The following CAMKMT variants were observed in gnomAD, a reference collection of about 807,000 sequenced individuals.
The protein encoded by CAMKMT is CaM KMT.
In CAMKMT, 53 loss-of-function variants were observed where a neutral mutation model predicts 48.0. The ratio of observed to expected loss-of-function variants is 1.10; its 90% CI spans 0.89 to 1.39. The LOEUF (loss-of-function observed/expected upper bound fraction) is 1.39, where lower values mean the gene tolerates loss of function less well. CAMKMT is among the 40% of genes most tolerant of loss of function. CAMKMT has a pLI of 0.00. For synonymous variants in CAMKMT, 165 were observed against 152.3 expected (o/e 1.08, Z -0.61); for missense variants, 428 against 402.7 (o/e 1.06, Z -0.54).
At chr2:44,396,091 ACTCC>A (rs1176091377) in intron 3 of CAMKMT, among the ~76,000 whole-genome samples, 1 of 151,960 alleles carries the variant, frequency 6.6e-6, no homozygotes, top group Non-Finnish European at 1.5e-5. Flanking sequence ...AATAAAGCTG[ACTCC>A]CTCCTATATA....
At chr2:44,601,370 T>A (rs1172279697) in intron 3 of CAMKMT, among the ~76,000 whole-genome samples, 1 of 152,028 alleles carries the variant, frequency 6.6e-6, no homozygotes, top group South Asian at 2.1e-4. Flanking sequence ...GCAGGAGAAT[T>A]GCTTGAACCC....
chr2:44,374,741 G>T (rs1187797592), intron 2 of CAMKMT, among the ~76,000 whole-genome samples: 1 of 152,094 alleles, frequency 6.6e-6, no homozygotes, highest in Non-Finnish European at 1.5e-5. Context: ...ATATATGAAA[G>T]AATAAATGTA....
At chr2:44,414,344 C>T (rs1683408300) in intron 3 of CAMKMT, among the ~76,000 whole-genome samples, 1 of 152,138 alleles carries the variant, frequency 6.6e-6, no homozygotes, top group Non-Finnish European at 1.5e-5. Context: ...CCCAGGGTGT[C>T]TTTATCAGGT....
intron 3 of CAMKMT, among the ~76,000 whole-genome samples, chr2:44,472,407 T>C (rs1668468474): frequency 6.6e-6 from 1 of 152,224 alleles, no homozygotes; most frequent in African/African-American, 2.4e-5. Context: ...CATACCATAG[T>C]AGTCAGCGAA....
At chr2:44,674,420 C>G (rs949282464) in intron 3 of CAMKMT, among the ~76,000 whole-genome samples, 3 of 152,194 alleles carry the variant, frequency 2.0e-5, no homozygotes, top group Admixed American at 1.3e-4. Context: ...AGAGCACAGT[C>G]TCTGGCACAT....
chr2:44,479,512 G>A (rs915615967), intron 3 of CAMKMT, among the ~76,000 whole-genome samples: 1 of 152,180 alleles, frequency 6.6e-6, no homozygotes, highest in Non-Finnish European at 1.5e-5. Context: ...AGGTAAATCT[G>A]TAGCAAAAGT....
intron 3 of CAMKMT, among the ~76,000 whole-genome samples, chr2:44,671,878 C>CACACAGAAGCAGACCCTAGG (rs1389844018): frequency 6.6e-6 from 1 of 152,192 alleles, no homozygotes; most frequent in African/African-American, 2.4e-5. Context: ...TCCCACCAAA[C>CACACAGAAGCAGACCCTAGG]ACACAGAAGC....
intron 3 of CAMKMT, among the ~76,000 whole-genome samples, chr2:44,647,886 C>T (rs13417544): frequency 1.8e-4 from 22 of 123,530 alleles, no homozygotes; most frequent in Non-Finnish European, 2.8e-4. Context: ...CCAGCCTGGG[C>T]GACAGAGTGA....
At chr2:44,733,268 A>G (rs1679177948) in intron 7 of CAMKMT, among the ~76,000 whole-genome samples, 1 of 152,186 alleles carries the variant, frequency 6.6e-6, no homozygotes, top group Non-Finnish European at 1.5e-5. Context: ...TTTTTATGCT[A>G]TTATAAACAG....
At chr2:44,471,246 C>T (rs1031313643) in intron 3 of CAMKMT, among the ~76,000 whole-genome samples, 18 of 152,250 alleles carry the variant, frequency 1.2e-4, no homozygotes, top group African/African-American at 4.3e-4. Context: ...CTGCCTTGGC[C>T]TCCCAAAGTG....
chr2:44,507,571 C>A (rs913923450), intron 3 of CAMKMT, among the ~76,000 whole-genome samples: 7 of 152,000 alleles, frequency 4.6e-5, no homozygotes, highest in African/African-American at 2.4e-5. Context: ...CAGTGATCTC[C>A]TCATCATTTT....
At chr2:44,394,936 A>T (rs1402512075) in intron 3 of CAMKMT, 1 of 455,096 alleles carries the variant, frequency 2.2e-6, no homozygotes, top group Non-Finnish European at 4.4e-6. Flanking sequence ...AGGCTGGATG[A>T]TTGCTTGAGC....
intron 3 of CAMKMT, among the ~76,000 whole-genome samples, chr2:44,397,880 C>T (rs1397054782): frequency 6.6e-6 from 1 of 152,160 alleles, no homozygotes; most frequent in Non-Finnish European, 1.5e-5. Context: ...ATGCCTTAAT[C>T]AGTGCAATAA....
intron 3 of CAMKMT, among the ~76,000 whole-genome samples, chr2:44,429,777 C>T (rs372266175): frequency 1.7e-5 from 2 of 121,208 alleles, no homozygotes; most frequent in African/African-American, 6.2e-5. Flanking sequence ...GTCCGCAGTC[C>T]GGCCTGGGCG....
chr2:44,408,842 A>G (rs1323063488), intron 3 of CAMKMT, among the ~76,000 whole-genome samples: 1 of 151,762 alleles, frequency 6.6e-6, no homozygotes, highest in African/African-American at 2.4e-5. Context: ...TCTGGGCCCA[A>G]GCAATTCTCC....
chr2:44,492,329 A>G (rs962526928), intron 3 of CAMKMT, among the ~76,000 whole-genome samples: 1 of 152,178 alleles, frequency 6.6e-6, no homozygotes, highest in Admixed American at 6.5e-5. Context: ...ATCAACTTCC[A>G]TAAATGTAAA....
intron 7 of CAMKMT, among the ~76,000 whole-genome samples, chr2:44,718,412 C>T (rs1009908167): frequency 7.9e-5 from 12 of 152,182 alleles, no homozygotes; most frequent in African/African-American, 2.7e-4. Flanking sequence ...TGTTGTCCAT[C>T]CATGCAGCCA....
At chr2:44,763,427 T>C (rs556172844) in intron 9 of CAMKMT, among the ~76,000 whole-genome samples, 2 of 152,362 alleles carry the variant, frequency 1.3e-5, no homozygotes, top group South Asian at 4.1e-4. Context: ...TTCTTTAGAT[T>C]ACTCAACTTC....
intron 1 of CAMKMT, among the ~76,000 whole-genome samples, chr2:44,362,369 C>T (rs1172152538): frequency 6.6e-6 from 1 of 152,136 alleles, no homozygotes; most frequent in East Asian, 1.9e-4. Context: ...GGCTGAGCTC[C>T]TGGGAAACTC....
Sources: gnomAD v4.1 joint callset for allele counts (sites outside exome capture counted in the v4.1 genomes callset) on GRCh38, gnomAD v4.1.1 for gene constraint, MANE v1.5 for transcripts, NCBI Gene and HGNC (gene_info 2026-07-23, HGNC 2026-07-21) for gene names.